Variants in ETV6 observed in about 807,000 individuals in gnomAD.
ETV6 encodes ETS variant transcription factor 6, also known as transcription factor ETV6.
In ETV6, 16 loss-of-function variants were observed where a neutral mutation model predicts 51.1. The ratio of observed to expected loss-of-function variants is 0.31; its 90% CI spans 0.21 to 0.48. ETV6 has a LOEUF of 0.48. Ranked by LOEUF, ETV6 falls within the 20% of genes least tolerant of loss-of-function variation. ETV6 has a pLI of 0.99. For missense variants in ETV6, 458 were observed against 594.8 expected (o/e 0.77, Z 2.39); for synonymous variants, 240 against 224.1 (o/e 1.07, Z -0.64).
At chr12:11,806,001 A>G (rs1334455970) in intron 2 of ETV6, among the ~76,000 whole-genome samples, 1 of 152,248 alleles carries the variant, frequency 6.6e-6, no homozygotes, top group East Asian at 1.9e-4. Flanking sequence ...CAGACTGTAT[A>G]CCTTGTCAGG....
intron 5 of ETV6, among the ~76,000 whole-genome samples, chr12:11,870,279 A>G (rs781269330): frequency 2.1e-4 from 32 of 152,320 alleles, no homozygotes; most frequent in South Asian, 1.0e-3. Context: ...GTTTATGAGC[A>G]TGCTAATGGC....
intron 1 of ETV6, among the ~76,000 whole-genome samples, chr12:11,675,885 G>A (rs538937369): frequency 4.0e-5 from 6 of 151,652 alleles, no homozygotes; most frequent in African/African-American, 1.5e-4. Flanking sequence ...GAAGGGAGAG[G>A]GAGAAGGAGG....
intron 2 of ETV6, among the ~76,000 whole-genome samples, chr12:11,787,743 C>T (rs1363172473): frequency 6.6e-6 from 1 of 152,170 alleles, no homozygotes; most frequent in Non-Finnish European, 1.5e-5. Context: ...GATTTTTTTA[C>T]ATGGAGTCTA....
chr12:11,653,308 G>A (rs981558170), intron 1 of ETV6, among the ~76,000 whole-genome samples: 1 of 152,202 alleles, frequency 6.6e-6, no homozygotes, highest in Non-Finnish European at 1.5e-5. Context: ...GCGGAAGGTG[G>A]TTGTGGCCTA....
intron 1 of ETV6, among the ~76,000 whole-genome samples, chr12:11,683,962 G>A (rs1864581038): frequency 2.0e-5 from 3 of 151,760 alleles, no homozygotes; most frequent in Non-Finnish European, 4.4e-5. Context: ...AAAGATGAAA[G>A]CCTGACTTTT....
At chr12:11,699,101 A>G (rs1429011156) in intron 1 of ETV6, among the ~76,000 whole-genome samples, 1 of 152,256 alleles carries the variant, frequency 6.6e-6, no homozygotes, top group Non-Finnish European at 1.5e-5. Context: ...GCAATATTGC[A>G]AAGGGATAAT....
chr12:11,726,594 A>G lies in ETV6; in HGVS notation c.34-25856A>G, dbSNP rs956642594. On this transcript the variant is annotated intron_variant, in intron 1 of 7. Coordinates refer to ENST00000396373, the MANE Select transcript of ETV6 (RefSeq NM_001987.5). ...GGAGTTCAAGACCAGCCTGGACAACATAGTGAAACTTCATCCCTAGAAAAA... is the reference window on the plus strand; with the variant it reads ...GGAGTTCAAGACCAGCCTGGACAACGTAGTGAAACTTCATCCCTAGAAAAA... Among the ~76,000 whole-genome samples, 3 of 152,208 alleles carry G rather than the reference A, an allele frequency of 2.0e-5. No homozygotes were observed. The East Asian group carries it at 5.8e-4, about 29-fold the overall frequency.
chr12:11,689,830 T>A (rs977671226), intron 1 of ETV6, among the ~76,000 whole-genome samples: 3 of 73,904 alleles, frequency 4.1e-5, no homozygotes, highest in Admixed American at 4.8e-4. Flanking sequence ...CCCACCCCCC[T>A]TTGTCTTTTT....
At chr12:11,865,110 G>A (rs188638758) in intron 4 of ETV6, among the ~76,000 whole-genome samples, 1,791 of 152,202 alleles carry the variant, frequency 0.012, 38 homozygotes, top group Admixed American at 0.043. Context: ...AATTAGCCAG[G>A]CATGGTGGCG....
chr12:11,822,095 T>G (rs1416135938), intron 2 of ETV6, among the ~76,000 whole-genome samples: 1 of 152,196 alleles, frequency 6.6e-6, no homozygotes. Flanking sequence ...CTCTTTACAT[T>G]CCTTTCTTCC....
chr12:11,725,485 T>C (rs1423962115), intron 1 of ETV6, among the ~76,000 whole-genome samples: 5 of 152,224 alleles, frequency 3.3e-5, no homozygotes, highest in Non-Finnish European at 7.3e-5. Context: ...ATTTTAAAAA[T>C]TTCAGAATCC....
intron 1 of ETV6, among the ~76,000 whole-genome samples, chr12:11,714,900 T>G (rs916535114): frequency 2.0e-5 from 3 of 152,090 alleles, no homozygotes; most frequent in African/African-American, 7.2e-5. Flanking sequence ...GTATGGTCAG[T>G]TCTGTGTTTT....
chr12:11,887,837 A>G (rs1278154314), intron 7 of ETV6, among the ~76,000 whole-genome samples: 1 of 152,144 alleles, frequency 6.6e-6, no homozygotes, highest in African/African-American at 2.4e-5. Context: ...GAAGCAGCCA[A>G]CTTTGAAACT....
At chr12:11,806,587 A>G (rs1006376888) in intron 2 of ETV6, among the ~76,000 whole-genome samples, 14 of 152,224 alleles carry the variant, frequency 9.2e-5, no homozygotes, top group African/African-American at 3.1e-4. Context: ...TCATGTTTAA[A>G]AAGTTTCCTG....
At chr12:11,688,535 T>C (rs1045182625) in intron 1 of ETV6, among the ~76,000 whole-genome samples, 1 of 152,196 alleles carries the variant, frequency 6.6e-6, no homozygotes, top group Non-Finnish European at 1.5e-5. Flanking sequence ...GTCCCACTGG[T>C]GATAAGCTGG....
At position 11,891,076 on chromosome 12, in the gene ETV6, GC is replaced by G; in HGVS notation, c.*31del. 1 of 1,556,224 alleles carries G rather than the reference GC, an allele frequency of 6.4e-7. No homozygotes were observed. Among genetic ancestry groups the G allele is most frequent in the Non-Finnish European group, 8.9e-7 (1 of 1,128,570 alleles). On this transcript the variant is annotated 3_prime_UTR_variant, in exon 8 of 8. Coordinates refer to ENST00000396373, the MANE Select transcript of ETV6 (RefSeq NM_001987.5). ...ACCAACAGTCCACCTCAGCGGGCCA[GC>G]AGCCCAGGGAACCCCTGCCCACCAG...
chr12:11,684,401 A>C (rs574638804), intron 1 of ETV6, among the ~76,000 whole-genome samples: 22 of 152,262 alleles, frequency 1.4e-4, no homozygotes, highest in Admixed American at 1.2e-3. Context: ...GTCTTTCTCT[A>C]CTCTAAGGTC....
At chr12:11,834,782 A>C (rs1301756028) in intron 2 of ETV6, among the ~76,000 whole-genome samples, 1 of 152,202 alleles carries the variant, frequency 6.6e-6, no homozygotes, top group Admixed American at 6.5e-5. Context: ...CCTGGCTGTA[A>C]GGTATTCTTT....
intron 1 of ETV6, among the ~76,000 whole-genome samples, chr12:11,694,742 T>TTG (rs565494559): frequency 2.0e-5 from 3 of 152,222 alleles, no homozygotes; most frequent in Non-Finnish European, 4.4e-5. Flanking sequence ...ACATGTACTT[T>TTG]TGTGTGTGTT....
Sources: allele counts gnomAD v4.1 joint callset (sites outside exome capture counted in the v4.1 genomes callset), GRCh38; gene constraint gnomAD v4.1.1; transcripts MANE v1.5; gene names NCBI Gene and HGNC (gene_info 2026-07-23, HGNC 2026-07-21).